Variants in FAM13A observed in about 807,000 individuals in gnomAD.
FAM13A encodes family with sequence similarity 13 member A.
Under a neutral mutation model 129.6 loss-of-function variants are expected in FAM13A, and 76 were observed. The ratio of observed to expected loss-of-function variants is 0.59; its 90% CI spans 0.49 to 0.71. The LOEUF is 0.71. FAM13A is among the 30% of genes least tolerant of loss of function. FAM13A has a pLI of 0.00. For missense variants in FAM13A, 1,108 were observed against 1,249.3 expected, an observed-to-expected ratio of 0.89 and a Z score of 1.70; for synonymous variants, 443 against 449.9, an observed-to-expected ratio of 0.98 and a Z score of 0.20.
intron 6 of FAM13A, among the ~76,000 whole-genome samples, chr4:88,861,276 G>A (rs553515905): frequency 4.2e-4 from 64 of 151,516 alleles, no homozygotes; most frequent in Admixed American, 4.0e-3. Context: ...AGCTACTCAG[G>A]AGGCTGAGGC....
At chr4:88,801,650 T>A (rs1029625017) in intron 8 of FAM13A, among the ~76,000 whole-genome samples, 1 of 152,202 alleles carries the variant, frequency 6.6e-6, no homozygotes, top group African/African-American at 2.4e-5. Flanking sequence ...AACTGGTCTA[T>A]AGCCCCTGAA....
rs1459852320 is a variant in FAM13A, at chr4:88,818,816, AT to A, written c.1008-13765del. Among the ~76,000 whole-genome samples the A allele has an allele frequency of 2.6e-5, 4 of 152,206 alleles. 1 individual carries two copies. Among genetic ancestry groups the A allele is most frequent in the Admixed American group, 1.3e-4 (2 of 15,272 alleles). On this transcript the variant is annotated intron_variant, in intron 7 of 23. Coordinates refer to ENST00000264344, the MANE Select transcript of FAM13A (RefSeq NM_014883.4). The stretch of plus-strand genomic sequence containing the variant: ...AGGAAAAACAGAGACTTCTAGATAA[AT>A]TAACTGAAAGGTGTCATCTCCACGA...
chr4:89,022,306 T>TA (rs573807986), intron 2 of FAM13A, among the ~76,000 whole-genome samples: 38 of 151,534 alleles, frequency 2.5e-4, no homozygotes, highest in Non-Finnish European at 3.7e-4. Flanking sequence ...TCTTAGGTAA[T>TA]AAAAAAAAAT....
At chr4:89,020,378 A>C in intron 3 of FAM13A, 82 bp downstream of exon 3, 2 of 995,252 alleles carry the variant, frequency 2.0e-6, no homozygotes, top group Non-Finnish European at 3.0e-6. Flanking sequence ...CAGCCTCCCA[A>C]AGTGTTGGGA....
intron 7 of FAM13A, among the ~76,000 whole-genome samples, chr4:88,842,598 C>A (rs555074587): frequency 1.3e-5 from 2 of 152,346 alleles, no homozygotes; most frequent in African/African-American, 4.8e-5. Context: ...TCTGGCCCCT[C>A]AGGGCCCAGC....
At chr4:88,760,083 G>T (rs191229196) in intron 13 of FAM13A, among the ~76,000 whole-genome samples, 1 of 152,322 alleles carries the variant, frequency 6.6e-6, no homozygotes, top group East Asian at 1.9e-4. Context: ...GAAATCATAA[G>T]TGATTTCATT....
intron 10 of FAM13A, among the ~76,000 whole-genome samples, chr4:88,786,273 C>T (rs752580037): frequency 3.3e-5 from 5 of 152,132 alleles, no homozygotes; most frequent in Non-Finnish European, 5.9e-5. Context: ...ACCTGCTAGC[C>T]CTCTGTCCAA....
chr4:88,937,087 A>T (rs1753974771), intron 5 of FAM13A: 1 of 152,146 alleles, frequency 6.6e-6, no homozygotes, highest in South Asian at 2.1e-4. Flanking sequence ...TCTAACTCAG[A>T]TTTACAACTG....
chr4:88,775,133 T>C (rs1052891444), intron 11 of FAM13A, among the ~76,000 whole-genome samples: 24 of 152,086 alleles, frequency 1.6e-4, no homozygotes, highest in African/African-American at 5.8e-4. Flanking sequence ...CAGGGAAGGA[T>C]ACAACAAAGA....
rs114157277 is a variant in FAM13A at position 88,855,213 on chromosome 4, G to C, written c.844-4030C>G. On this transcript the variant is annotated intron_variant, in intron 6 of 23. Coordinates refer to ENST00000264344, the MANE Select transcript of FAM13A (RefSeq NM_014883.4). ...TTCATACTACCTACCATAATGCAACGATTTTCTTTTTTCTTTTTTGGGTAT... is the reference window on the plus strand; with the variant it reads ...TTCATACTACCTACCATAATGCAACCATTTTCTTTTTTCTTTTTTGGGTAT... Among the ~76,000 whole-genome samples the C allele has an allele frequency of 8.7e-3, 1,329 of 152,138 alleles. 22 individuals carry two copies. Among genetic ancestry groups the C allele is most frequent in the African/African-American group, 0.03 (1,238 of 41,520 alleles).
intron 7 of FAM13A, among the ~76,000 whole-genome samples, chr4:88,829,386 C>T (rs558195332): frequency 6.6e-6 from 1 of 152,232 alleles, no homozygotes; most frequent in South Asian, 2.1e-4. Flanking sequence ...CTGCAGTGAG[C>T]CATGATTGTG....
intron 19 of FAM13A, among the ~76,000 whole-genome samples, chr4:88,745,071 G>A (rs1349693563): frequency 6.6e-6 from 1 of 152,150 alleles, no homozygotes; most frequent in African/African-American, 2.4e-5. Flanking sequence ...TAACAGAGGT[G>A]AAAACTATCA....
chr4:88,824,112 G>A (rs551447216), intron 7 of FAM13A, among the ~76,000 whole-genome samples: 1 of 152,004 alleles, frequency 6.6e-6, no homozygotes, highest in African/African-American at 2.4e-5. Context: ...GAATACCAGG[G>A]TGTTATTTTT....
chr4:89,056,507 T>C (rs540836345), intron 1 of FAM13A, among the ~76,000 whole-genome samples: 21 of 152,074 alleles, frequency 1.4e-4, no homozygotes, highest in South Asian at 4.1e-4. Flanking sequence ...TAAACGAAAA[T>C]AGAAATATAA....
At chr4:88,731,665 A>G in intron 22 of FAM13A, 2 of 538,338 alleles carry the variant, frequency 3.7e-6, no homozygotes, top group South Asian at 5.5e-5. Context: ...GCCCTTGTGA[A>G]ATCCCATGGC....
At chr4:88,743,705 T>C (rs1337427763) in intron 19 of FAM13A, among the ~76,000 whole-genome samples, 1 of 152,208 alleles carries the variant, frequency 6.6e-6, no homozygotes, top group Non-Finnish European at 1.5e-5. Context: ...AGCATTATTC[T>C]CTAATAGGGT....
At chr4:88,743,643 C>T (rs192822455) in intron 19 of FAM13A, among the ~76,000 whole-genome samples, 2 of 152,096 alleles carry the variant, frequency 1.3e-5, no homozygotes, top group Non-Finnish European at 2.9e-5. Context: ...CAATCAATAG[C>T]GCATCAATAC....
chr4:88,965,221 G>C (rs1430148462), intron 4 of FAM13A, among the ~76,000 whole-genome samples: 1 of 152,102 alleles, frequency 6.6e-6, no homozygotes, highest in Non-Finnish European at 1.5e-5. Context: ...CTTTCACTGA[G>C]AGAGAGACAT....
At chr4:88,950,351 C>T (rs1037727352) in intron 4 of FAM13A, among the ~76,000 whole-genome samples, 3 of 151,704 alleles carry the variant, frequency 2.0e-5, no homozygotes, top group Non-Finnish European at 2.9e-5. Flanking sequence ...TAGGTGTGCA[C>T]GGCTGTACCC....
Sources: gnomAD v4.1 joint callset for allele counts (sites outside exome capture counted in the v4.1 genomes callset) on GRCh38, gnomAD v4.1.1 for gene constraint, MANE v1.5 for transcripts, NCBI Gene and HGNC (gene_info 2026-07-23, HGNC 2026-07-21) for gene names.